The following PAQR4 variants were observed in gnomAD, a reference collection of about 807,000 sequenced individuals.
PAQR4 encodes progestin and adipoQ receptor family member IV.
PAQR4 carries 26 observed loss-of-function variants against 20.9 expected under a neutral mutation model. The ratio of observed to expected loss-of-function variants is 1.24; its 90% CI spans 0.91 to 1.73. The LOEUF (loss-of-function observed/expected upper bound fraction) is 1.73. Among genes scored for constraint, PAQR4 ranks in the 40% most tolerant of loss-of-function variants. The probability of loss-of-function intolerance (pLI) is 0.00; values close to 1 mark genes in which losing one functional copy is unlikely to be tolerated. For missense variants in PAQR4, 400 were observed against 380.1 expected (o/e 1.05, Z -0.44); for synonymous variants, 193 against 171.6 (o/e 1.12, Z -0.97).
chr16:2,970,466 C>G (rs1476184135), intron 1 of PAQR4, among the ~76,000 whole-genome samples: 3 of 152,230 alleles, frequency 2.0e-5, no homozygotes, highest in Non-Finnish European at 4.4e-5. Flanking sequence ...CTTCGGAGCC[C>G]CGTTTGGCCC....
At position 2,972,615 on chromosome 16, in the gene PAQR4, C is replaced by T; in HGVS notation, c.*667C>T. 1 of 1,534,892 alleles carries T rather than the reference C, an allele frequency of 6.5e-7. No homozygotes were observed. The highest frequency in any genetic ancestry group is 8.7e-7 in the Non-Finnish European group (1 of 1,146,458). On this transcript the variant is annotated 3_prime_UTR_variant, in exon 3 of 3. Coordinates refer to ENST00000318782, the MANE Select transcript of PAQR4 (RefSeq NM_152341.5). The stretch of plus-strand genomic sequence containing the variant: ...CCCTCCACCTTGAGTGCCATACTCC[C>T]AACAGCTCCAGGTACCCACCGGGGG...
At chr16:2,971,129 T>C in intron 1 of PAQR4, 28 bp from the exon 2 acceptor site, 3 of 1,606,400 alleles carry the variant, frequency 1.9e-6, no homozygotes, top group Non-Finnish European at 2.6e-6. Flanking sequence ...ACTGAAACTA[T>C]CTGGTAGATG....
At chr16:2,970,005 G>T (rs2071937718) in intron 1 of PAQR4, 165 bp downstream of exon 1, 3 of 964,306 alleles carry the variant, frequency 3.1e-6, no homozygotes, top group Non-Finnish European at 4.5e-6. Flanking sequence ...CCCGGGCCGC[G>T]CTGCCAGCTT....
rs2071975799 is a variant in PAQR4 at position 2,971,153 on chromosome 16, C to A, written c.167-4C>A. 1.9e-6 allele frequency: 3 copies of A among 1,612,786 alleles called. No homozygotes were observed. The highest frequency in any genetic ancestry group is 2.5e-6 in the Non-Finnish European group (3 of 1,179,726). On this transcript the variant is annotated splice_polypyrimidine_tract_variant and splice_region_variant and intron_variant, in intron 1 of 2. Transcript: ENST00000318782. ...ATCTGGTAGATGACTGTCTCCCTCC[C>A]TAGGGCTGGCCCTGCTGGGCTTCCT... is the stretch of plus-strand genomic sequence containing the variant.
intron 1 of PAQR4, 181 bp from the exon 2 acceptor site, chr16:2,970,976 A>G (rs889890905): frequency 2.6e-5 from 16 of 623,840 alleles, no homozygotes; most frequent in Non-Finnish European, 1.1e-5. Flanking sequence ...ATCCTGAGCC[A>G]TGATAAGTAA....
chr16:2,972,794 C>A lies in PAQR4; in HGVS notation c.*846C>A. The A allele has an allele frequency of 6.5e-7, 1 of 1,539,974 alleles. No homozygotes were observed. Among genetic ancestry groups the A allele is most frequent in the Non-Finnish European group, 8.8e-7 (1 of 1,142,652 alleles). Reference sequence around the variant, plus strand: ...TAAAGGGACAGGAAGGGCCATGTTGCCACATGAGCAAGCTTGGGTGCTCCC... The same window carrying A: ...TAAAGGGACAGGAAGGGCCATGTTGACACATGAGCAAGCTTGGGTGCTCCC... On this transcript the variant is annotated 3_prime_UTR_variant, in exon 3 of 3. Transcript: ENST00000318782.
rs952895182 is a variant in PAQR4, at chr16:2,969,641, A to G, written c.-34A>G. The G allele has an allele frequency of 6.8e-7, 1 of 1,475,870 alleles. No homozygotes were observed. The highest frequency in any genetic ancestry group is 9.0e-7 in the Non-Finnish European group (1 of 1,115,742). The allele number at this position is 1,475,870 out of a possible 1,614,324, so 91.4% of individuals were successfully genotyped here. A position where few individuals can be genotyped will look rare whatever the true frequency, so the allele number is the denominator to read the frequency against. ...CCCACTGAGGAGGAGGCTCGGGGAC[A>G]GCAGGAGCACGGGCTGCCCGCGCGG... On this transcript the variant is annotated 5_prime_UTR_variant, in exon 1 of 3. Coordinates refer to ENST00000318782, the MANE Select transcript of PAQR4 (RefSeq NM_152341.5).
rs1426974269 is a variant in PAQR4 at position 2,969,841 on chromosome 16, G to T, written c.166+1G>T. ...GAACTGGGCAACATCTACACGCACG[G>T]TGAGCCGCGTCCCGCAACGCGCTTC... On this transcript the variant is annotated splice_donor_variant, in intron 1 of 2. Transcript: ENST00000318782. LOFTEE classifies it high-confidence loss of function. 6.2e-7 allele frequency: 1 copy of T among 1,609,690 alleles called. No homozygotes were observed. The highest frequency in any genetic ancestry group is 8.5e-7 in the Non-Finnish European group (1 of 1,178,590).
chr16:2,971,839 A>G lies in PAQR4; in HGVS notation c.713A>G (p.Asn238Ser). 3.1e-6 allele frequency: 5 copies of G among 1,612,056 alleles called. No homozygotes were observed. The highest frequency in any genetic ancestry group is 1.3e-5 in the African/African-American group (1 of 74,860). The change falls in exon 3 of 3, where the codon AAC (asparagine) becomes AGC (serine). Residue 238 changes from asparagine to serine, a missense_variant. By Grantham distance (46) the Asn-to-Ser change is conservative. Coordinates refer to ENST00000318782, the MANE Select transcript of PAQR4 (RefSeq NM_152341.5). ...WGPGRFDYWG[N>S]SHQIMHLLSV... ...CCTGGCCGCTTTGACTACTGGGGCA[A>G]CTCCCACCAGATCATGCACCTGCTG...
rs1009420252 is a variant in PAQR4 at position 2,969,578 on chromosome 16, C to T, written c.-97C>T. 21 of 1,311,382 alleles carry T rather than the reference C, an allele frequency of 1.6e-5. No homozygotes were observed. Among genetic ancestry groups the T allele is most frequent in the African/African-American group, 6.3e-5 (4 of 63,872 alleles). 81.2% of individuals were successfully genotyped at this position (1,311,382 alleles called of 1,614,324 possible). A position where few individuals can be genotyped will look rare whatever the true frequency, so the allele number is the denominator to read the frequency against. On this transcript the variant is annotated 5_prime_UTR_variant, in exon 1 of 3. Transcript: ENST00000318782. ...AGGGCGATGGGTGGGCGCCGGGCGC[C>T]GGGCGCCAGGCAGTGATGGGCCTTC...
Position 2,972,542 on chromosome 16 carries a change from A to G in PAQR4, c.*594A>G. 7.2e-7 allele frequency: 1 copy of G among 1,396,622 alleles called. No individual in the cohort carries two copies. The highest frequency in any genetic ancestry group is 9.6e-7 in the Non-Finnish European group (1 of 1,041,356). 86.5% of individuals were successfully genotyped at this position (1,396,622 alleles called of 1,614,324 possible). On this transcript the variant is annotated 3_prime_UTR_variant, in exon 3 of 3. Transcript: ENST00000318782. Reference sequence around the variant, plus strand: ...CAGCTGCTTCTTCCAGGAAACTGACACAGGGAGCTCAGCGGCCTCAGATCC... The same window carrying G: ...CAGCTGCTTCTTCCAGGAAACTGACGCAGGGAGCTCAGCGGCCTCAGATCC...
At position 2,971,952 on chromosome 16, in the gene PAQR4, G is replaced by A. The variant is rs1462394782; in HGVS notation, c.*4G>A. Reference sequence around the variant, plus strand: ...CCACGCCTGTCCCCGGGACTGAGCTGCCATGCCAGCCTGCCCACAGCAGCC... The same window carrying A: ...CCACGCCTGTCCCCGGGACTGAGCTACCATGCCAGCCTGCCCACAGCAGCC... On this transcript the variant is annotated 3_prime_UTR_variant, in exon 3 of 3. Coordinates refer to ENST00000318782, the MANE Select transcript of PAQR4 (RefSeq NM_152341.5). 1 of 1,572,002 alleles carries A rather than the reference G, an allele frequency of 6.4e-7. No individual in the cohort carries two copies. The highest frequency in any genetic ancestry group is 2.3e-5 in the East Asian group (1 of 44,398).
chr16:2,971,234 G>C lies in PAQR4; in HGVS notation c.244G>C (p.Gly82Arg). 1 of 1,613,264 alleles carries C rather than the reference G, an allele frequency of 6.2e-7. No homozygotes were observed. Among genetic ancestry groups the C allele is most frequent in the Non-Finnish European group, 8.5e-7 (1 of 1,180,004 alleles). The change falls in exon 2 of 3, where the codon GGA becomes CGA. Residue 82 changes from glycine (G) to arginine (R), a missense_variant. Physicochemically the swap from Gly to Arg is moderately radical, Grantham distance 125. Coordinates refer to ENST00000318782, the MANE Select transcript of PAQR4 (RefSeq NM_152341.5). ...TCAGCTGGGCAAGGATGGCTGGCTGGGAGGCACACATTGCGTGGCCTGCCT... is the reference window on the plus strand; with the variant it reads ...TCAGCTGGGCAAGGATGGCTGGCTGCGAGGCACACATTGCGTGGCCTGCCT... The part of the protein sequence containing the change: ...WGQLGKDGWL[G>R]GTHCVACLAP...
intron 1 of PAQR4, chr16:2,970,362 G>A (rs1307174564): frequency 6.4e-6 from 1 of 155,832 alleles, no homozygotes; most frequent in Non-Finnish European, 1.4e-5. Flanking sequence ...TCCTTGAGCT[G>A]CCCCAGGCGG....
At position 2,971,949 on chromosome 16, in the gene PAQR4, GCTGCCATGCCAGC is replaced by G. The variant is rs1422721208; in HGVS notation, c.*7_*19del. On this transcript the variant is annotated 3_prime_UTR_variant, in exon 3 of 3. Transcript: ENST00000318782. Reference sequence around the variant, plus strand: ...CCACCACGCCTGTCCCCGGGACTGAGCTGCCATGCCAGCCTGCCCACAGCAGCCTCCTAGAGTT... The same window carrying G: ...CCACCACGCCTGTCCCCGGGACTGAGCTGCCCACAGCAGCCTCCTAGAGTT... 6.3e-7 allele frequency: 1 copy of G among 1,577,180 alleles called. No individual in the cohort carries two copies. The highest frequency in any genetic ancestry group is 2.2e-5 in the East Asian group (1 of 44,488).
At position 2,972,582 on chromosome 16, in the gene PAQR4, C is replaced by T. The variant is rs975393497; in HGVS notation, c.*634C>T. On this transcript the variant is annotated 3_prime_UTR_variant, in exon 3 of 3. Coordinates refer to ENST00000318782, the MANE Select transcript of PAQR4 (RefSeq NM_152341.5). ...GCCTCAGATCCTGGGACCCCTGGGC[C>T]GTGCCTGCCCTCCACCTTGAGTGCC... 16 of 1,521,386 alleles carry T rather than the reference C, an allele frequency of 1.1e-5. No individual in the cohort carries two copies. Among genetic ancestry groups the T allele is most frequent in the South Asian group, 8.4e-5 (7 of 83,174 alleles). 94.2% of individuals were successfully genotyped at this position (1,521,386 alleles called of 1,614,324 possible).
Position 2,973,454 on chromosome 16 carries a change from C to A in PAQR4, c.*1506C>A. ...TTTTCAGAACACATGGACTTGGAGG[C>A]AGATTTGAAATAAACTTTTAGTAAA... On this transcript the variant is annotated 3_prime_UTR_variant, in exon 3 of 3. Coordinates refer to ENST00000318782, the MANE Select transcript of PAQR4 (RefSeq NM_152341.5). The A allele has an allele frequency of 6.6e-7, 1 of 1,518,652 alleles. No individual in the cohort carries two copies. The highest frequency in any genetic ancestry group is 8.8e-7 in the Non-Finnish European group (1 of 1,136,948). 94.1% of individuals were successfully genotyped at this position (1,518,652 alleles called of 1,614,324 possible).
chr16:2,972,720 C>G lies in PAQR4; in HGVS notation c.*772C>G, dbSNP rs767595899. The G allele has an allele frequency of 6.5e-7, 1 of 1,536,220 alleles. No homozygotes were observed. Among genetic ancestry groups the G allele is most frequent in the Non-Finnish European group, 8.7e-7 (1 of 1,146,850 alleles). On this transcript the variant is annotated 3_prime_UTR_variant, in exon 3 of 3. Transcript: ENST00000318782. ...GGCCCAAGGCCAGGAGCGCTGGGTT[C>G]TGCAGCAGGGCTCAGCCTCAGGGGC...
Position 2,973,278 on chromosome 16 carries a change from C to G in PAQR4, c.*1330C>G. ...GCTAGGGAGTGCCGGATGAAACCAGCTCTGTCCCTGTGCAGGCTCCAGGCT... is the reference window on the plus strand; with the variant it reads ...GCTAGGGAGTGCCGGATGAAACCAGGTCTGTCCCTGTGCAGGCTCCAGGCT... On this transcript the variant is annotated 3_prime_UTR_variant, in exon 3 of 3. Coordinates refer to ENST00000318782, the MANE Select transcript of PAQR4 (RefSeq NM_152341.5). 1.3e-6 allele frequency: 2 copies of G among 1,495,266 alleles called. No individual in the cohort carries two copies. The highest frequency in any genetic ancestry group is 8.9e-7 in the Non-Finnish European group (1 of 1,122,404). 92.6% of individuals were successfully genotyped at this position (1,495,266 alleles called of 1,614,324 possible). A position where few individuals can be genotyped will look rare whatever the true frequency, so the allele number is the denominator to read the frequency against.
Sources: gnomAD v4.1 joint callset for allele counts (sites outside exome capture counted in the v4.1 genomes callset) on GRCh38, gnomAD v4.1.1 for gene constraint, MANE v1.5 for transcripts, NCBI Gene and HGNC (gene_info 2026-07-23, HGNC 2026-07-21) for gene names.